The following TMEM131L variants were observed in gnomAD, a reference collection of about 807,000 sequenced individuals.
TMEM131L encodes the protein transmembrane protein 131-like.
A neutral mutation model predicts 192.2 loss-of-function variants in TMEM131L; 54 were observed. The ratio of observed to expected loss-of-function variants is 0.28; its 90% CI spans 0.23 to 0.35. The LOEUF (loss-of-function observed/expected upper bound fraction) is 0.35, where lower values mean the gene tolerates loss of function less well. Among genes scored for constraint, TMEM131L ranks in the 10% least tolerant of loss-of-function variants. TMEM131L has a pLI of 1.00. For missense variants in TMEM131L, 1,888 were observed against 1,972.9 expected (o/e 0.96, Z 0.82); for synonymous variants, 701 against 704.9 (o/e 0.99, Z 0.09).
At chr4:153,614,679 T>TG (rs1280659496) in intron 26 of TMEM131L, among the ~76,000 whole-genome samples, 1 of 151,600 alleles carries the variant, frequency 6.6e-6, no homozygotes, top group Non-Finnish European at 1.5e-5. Flanking sequence ...AATGCTTGAA[T>TG]GAATGTGAAT....
intron 25 of TMEM131L, among the ~76,000 whole-genome samples, chr4:153,609,101 A>G (rs1054099561): frequency 1.3e-5 from 2 of 152,210 alleles, no homozygotes; most frequent in Non-Finnish European, 2.9e-5. Flanking sequence ...GACTTGGTGT[A>G]TTAGGCTGTT....
intron 3 of TMEM131L, among the ~76,000 whole-genome samples, chr4:153,508,946 G>A (rs1734170307): frequency 6.6e-6 from 1 of 151,980 alleles, no homozygotes; most frequent in South Asian, 2.1e-4. Context: ...GCCCAGCCTA[G>A]TGTTTTTCTT....
intron 3 of TMEM131L, among the ~76,000 whole-genome samples, chr4:153,534,153 C>T (rs891178206): frequency 6.6e-6 from 1 of 152,158 alleles, no homozygotes; most frequent in African/African-American, 2.4e-5. Context: ...TTTCACTCAA[C>T]AAATGTTACC....
chr4:153,636,691 AAAAT>A lies in TMEM131L; in HGVS notation c.*120_*123del. 2 of 1,048,822 alleles carry A rather than the reference AAAAT, an allele frequency of 1.9e-6. No homozygotes were observed. Among genetic ancestry groups the A allele is most frequent in the Non-Finnish European group, 2.7e-6 (2 of 736,280 alleles). The allele number at this position is 1,048,822 out of a possible 1,614,324, so 65.0% of individuals were successfully genotyped here. On this transcript the variant is annotated 3_prime_UTR_variant, in exon 35 of 35. Coordinates refer to ENST00000409959, the MANE Select transcript of TMEM131L (RefSeq NM_001131007.2). ...GTGGATATTTTGGCACTTTTATATG[AAAAT>A]AAATTTTTTAATGAAATCTGGGTGC...
intron 3 of TMEM131L, among the ~76,000 whole-genome samples, chr4:153,542,752 G>T (rs961001011): frequency 9.2e-5 from 14 of 152,192 alleles, no homozygotes; most frequent in Middle Eastern, 3.2e-3. Flanking sequence ...AGTGAGCAGG[G>T]CATGATTCTT....
chr4:153,480,472 A>G (rs1268819984), intron 3 of TMEM131L, among the ~76,000 whole-genome samples: 2 of 145,568 alleles, frequency 1.4e-5, no homozygotes, highest in Non-Finnish European at 3.0e-5. Context: ...GTGAGCTGAG[A>G]TCGCGCAACT....
intron 3 of TMEM131L, among the ~76,000 whole-genome samples, chr4:153,543,378 G>A (rs1025302725): frequency 1.3e-5 from 2 of 152,124 alleles, no homozygotes; most frequent in African/African-American, 2.4e-5. Context: ...CAGAAAAAAC[G>A]ACTTGTACTA....
Position 153,591,050 on chromosome 4 carries a change from C to A in TMEM131L, c.1671-3C>A. 6.6e-7 allele frequency: 1 copy of A among 1,526,352 alleles called. No homozygotes were observed. Among genetic ancestry groups the A allele is most frequent in the Non-Finnish European group, 8.8e-7 (1 of 1,133,734 alleles). 94.6% of individuals were successfully genotyped at this position (1,526,352 alleles called of 1,614,324 possible). On this transcript the variant is annotated splice_region_variant and splice_polypyrimidine_tract_variant and intron_variant, in intron 16 of 34. Coordinates refer to ENST00000409959, the MANE Select transcript of TMEM131L (RefSeq NM_001131007.2). The stretch of plus-strand genomic sequence containing the variant: ...CATAATAGTTTCTTTATCAATTAAA[C>A]AGGAGGAATGTTTTGGGAACAACTC...
chr4:153,478,806 T>C (rs1439517594), intron 3 of TMEM131L, among the ~76,000 whole-genome samples: 1 of 152,250 alleles, frequency 6.6e-6, no homozygotes, highest in African/African-American at 2.4e-5. Context: ...GTTATTAACA[T>C]TTGTTTACAC....
At chr4:153,576,061 G>T (rs1418793222) in intron 7 of TMEM131L, among the ~76,000 whole-genome samples, 9 of 151,708 alleles carry the variant, frequency 5.9e-5, no homozygotes, top group Non-Finnish European at 1.0e-4. Flanking sequence ...CCAGGTTCAC[G>T]CCATTCTCCT....
In TMEM131L at chr4:153,631,843, C is replaced by T. The variant is rs1734232260; in HGVS notation, c.4208-875C>T. On this transcript the variant is annotated intron_variant, in intron 31 of 34. Transcript: ENST00000409959. ...TTCCACTTTCCCCTCTCCTTCCTGG[C>T]TACACTGATATCCTTGCTGTTTGAA... Among the ~76,000 whole-genome samples the T allele has an allele frequency of 2.0e-5, 3 of 152,196 alleles. 1 individual carries two copies. The highest frequency in any genetic ancestry group is 2.0e-4 in the Admixed American group (3 of 15,284).
At chr4:153,478,800 T>C (rs1731725684) in intron 3 of TMEM131L, among the ~76,000 whole-genome samples, 1 of 152,234 alleles carries the variant, frequency 6.6e-6, no homozygotes, top group Non-Finnish European at 1.5e-5. Context: ...TATGAAGTTA[T>C]TAACATTTGT....
intron 9 of TMEM131L, among the ~76,000 whole-genome samples, chr4:153,582,664 C>T (rs565001251): frequency 9.2e-5 from 14 of 152,112 alleles, no homozygotes; most frequent in African/African-American, 3.4e-4. Flanking sequence ...GAGAGCTCTC[C>T]TGTCCTCAGT....
chr4:153,607,001 C>T (rs183859320), intron 25 of TMEM131L, among the ~76,000 whole-genome samples: 22 of 152,042 alleles, frequency 1.4e-4, no homozygotes, highest in African/African-American at 4.3e-4. Flanking sequence ...GGAAAATATC[C>T]GAGATGTTAA....
At chr4:153,471,327 G>T (rs1437267329) in intron 2 of TMEM131L, among the ~76,000 whole-genome samples, 1 of 152,054 alleles carries the variant, frequency 6.6e-6, no homozygotes, top group Non-Finnish European at 1.5e-5. Context: ...ATGTCTTGTT[G>T]CCTTAACTGG....
At chr4:153,628,334 T>C (rs910333435) in intron 31 of TMEM131L, among the ~76,000 whole-genome samples, 1 of 152,260 alleles carries the variant, frequency 6.6e-6, no homozygotes, top group Non-Finnish European at 1.5e-5. Flanking sequence ...CTCATTTTTC[T>C]TCTCTTTTCC....
At chr4:153,597,924 T>A (rs888678840) in intron 20 of TMEM131L, among the ~76,000 whole-genome samples, 3 of 152,028 alleles carry the variant, frequency 2.0e-5, no homozygotes, top group African/African-American at 7.3e-5. Context: ...CAGAGCAACA[T>A]CCTATCTCCT....
chr4:153,532,984 C>CTTTTTTTTTTTTTTTTTTTT (rs70963190), intron 3 of TMEM131L, among the ~76,000 whole-genome samples: 4 of 129,694 alleles, frequency 3.1e-5, no homozygotes, highest in African/African-American at 1.2e-4. Context: ...TTTCTCAATT[C>CTTTTTTTTTTTTTTTTTTTT]TTTTTTTTTT....
rs765476459 is a variant in TMEM131L at position 153,632,865 on chromosome 4, C to T, written c.4328+27C>T. The stretch of plus-strand genomic sequence containing the variant: ...TACAGCTTCACTTCTCTGATTGGTG[C>T]CTTGCTTAGTCTAAGGGCTTGCAGT... On this transcript the variant is annotated intron_variant, in intron 32 of 34. Coordinates refer to ENST00000409959, the MANE Select transcript of TMEM131L (RefSeq NM_001131007.2). 6 of 1,613,398 alleles carry T rather than the reference C, an allele frequency of 3.7e-6. No homozygotes were observed. In the African/African-American group the frequency reaches 8.0e-5, roughly 22 times the overall value.
Sources: gnomAD v4.1 joint callset for allele counts (sites outside exome capture counted in the v4.1 genomes callset) on GRCh38, gnomAD v4.1.1 for gene constraint, MANE v1.5 for transcripts, NCBI Gene and HGNC (gene_info 2026-07-23, HGNC 2026-07-21) for gene names.